Variants in USP42 observed in about 807,000 individuals in gnomAD.
USP42 encodes ubiquitin specific peptidase 42, also known as ubiquitin carboxyl-terminal hydrolase 42.
A neutral mutation model predicts 113.0 loss-of-function variants in USP42; 23 were observed. The ratio of observed to expected loss-of-function variants is 0.20; its 90% CI spans 0.15 to 0.29. The LOEUF (loss-of-function observed/expected upper bound fraction) is 0.29. Among genes scored for constraint, USP42 ranks in the 10% least tolerant of loss-of-function variants. The probability of loss-of-function intolerance (pLI) is 1.00; values close to 1 mark genes in which losing one functional copy is unlikely to be tolerated. For synonymous variants in USP42, 933 were observed against 699.0 expected (o/e 1.33, Z -5.28); for missense variants, 2,174 against 1,779.8 (o/e 1.22, Z -3.99).
chr7:6,122,454 T>A (rs1780279838), intron 3 of USP42, among the ~76,000 whole-genome samples: 1 of 151,982 alleles, frequency 6.6e-6, no homozygotes, highest in Non-Finnish European at 1.5e-5. Flanking sequence ...CCTTTTGTTT[T>A]GTTTTGTTTT....
chr7:6,115,501 A>G lies in USP42; in HGVS notation c.420A>G (p.Leu140=), dbSNP rs772710033. 1.2e-6 allele frequency: 2 copies of G among 1,614,072 alleles called. No individual in the cohort carries two copies. Among genetic ancestry groups the G allele is most frequent in the South Asian group, 1.1e-5 (1 of 91,086 alleles). The change falls in exon 3 of 18, where the codon CTA becomes CTG. Residue 140 remains leucine, a synonymous_variant. Transcript: ENST00000306177. ...TYTPPLANYM[L]SHEHSKTCHA... Reference sequence around the variant, plus strand: ...CACCACCTCTTGCCAATTACATGCTATCACATGAACACTCCAAAACATGTA... The same window carrying G: ...CACCACCTCTTGCCAATTACATGCTGTCACATGAACACTCCAAAACATGTA...
At chr7:6,092,574 C>T in the USP42 span, among the ~76,000 whole-genome samples, 13 of 151,488 alleles carry the variant, frequency 8.6e-5, no homozygotes, top group East Asian at 2.1e-3. Flanking sequence ...TTACCTTCCT[C>T]ATTTGAGGCA....
At chr7:6,140,074 C>T (rs73335428) in intron 5 of USP42, 54 bp from the exon 6 acceptor site, 1 of 1,484,700 alleles carries the variant, frequency 6.7e-7, no homozygotes, top group Middle Eastern at 1.7e-4. Context: ...CTGGTCACAG[C>T]ATCTGGAGTT....
In USP42 at chr7:6,151,152, C is replaced by A. The variant is rs752694162; in HGVS notation, c.2201+646C>A. Among the ~76,000 whole-genome samples the A allele has an allele frequency of 6.9e-4, 105 of 152,320 alleles. 1 individual carries two copies. The highest frequency in any genetic ancestry group is 1.1e-3 in the Admixed American group (17 of 15,302). On this transcript the variant is annotated intron_variant, in intron 14 of 17. Coordinates refer to ENST00000306177, the MANE Select transcript of USP42 (RefSeq NM_032172.3). ...CTGGCACACCTGCACAGGGCACTTA[C>A]CATGAATGGAGCTGGCAGGACTGGA...
At chr7:6,090,192 C>A in the USP42 span, among the ~76,000 whole-genome samples, 3 of 146,642 alleles carry the variant, frequency 2.0e-5, no homozygotes, top group Non-Finnish European at 4.5e-5. Flanking sequence ...CCCAGCTACT[C>A]GGGAGGCTGA....
In USP42 at chr7:6,154,596, G is replaced by T. The variant is rs1445830719; in HGVS notation, c.3042G>T (p.Leu1014=). 1 of 1,580,728 alleles carries T rather than the reference G, an allele frequency of 6.3e-7. No homozygotes were observed. The highest frequency in any genetic ancestry group is 1.2e-5 in the South Asian group (1 of 86,276). The change falls in exon 15 of 18, where the codon CTG becomes CTT. Residue 1014 remains leucine (L), a synonymous_variant. Coordinates refer to ENST00000306177, the MANE Select transcript of USP42 (RefSeq NM_032172.3). Reference sequence around the variant, plus strand: ...TCAGCCCTGGCGAGCGCCGCTCTCTGGGCAGGTGCAGTCACCACCACTCCC... The same window carrying T: ...TCAGCCCTGGCGAGCGCCGCTCTCTTGGCAGGTGCAGTCACCACCACTCCC... ...DRLSPGERRS[L]GRCSHHHSRH...
intron 3 of USP42, among the ~76,000 whole-genome samples, chr7:6,120,046 A>T (rs565588354): frequency 6.6e-6 from 1 of 151,904 alleles, no homozygotes; most frequent in African/African-American, 2.4e-5. Context: ...GCTCACTGCA[A>T]CCTACGCCCC....
the USP42 span, chr7:6,085,066 G>A: frequency 6.6e-6 from 1 of 150,976 alleles, no homozygotes; most frequent in South Asian, 2.1e-4. Flanking sequence ...TCCCTGGCAT[G>A]AACGACTGTG....
At chr7:6,092,076 C>CTTCTTCTTTCTTCTTCTTCTTTCT in the USP42 span, among the ~76,000 whole-genome samples, 19 of 23,836 alleles carry the variant, frequency 8.0e-4, no homozygotes, top group Non-Finnish European at 1.2e-3. Flanking sequence ...CTTCTTCTTC[C>CTTCTTCTTTCTTCTTCTTCTTTCT]TCTTCCTCTT....
At chr7:6,138,182 A>G (rs186710034) in intron 4 of USP42, among the ~76,000 whole-genome samples, 29 of 152,286 alleles carry the variant, frequency 1.9e-4, no homozygotes, top group Non-Finnish European at 3.5e-4. Context: ...ATTTTTATAC[A>G]TTCATACACA....
At chr7:6,124,863 GTA>G (rs1780440606) in intron 3 of USP42, among the ~76,000 whole-genome samples, 1 of 151,366 alleles carries the variant, frequency 6.6e-6, no homozygotes, top group Non-Finnish European at 1.5e-5. Flanking sequence ...TATCTTTAAC[GTA>G]TCAGTTTACC....
At chr7:6,091,583 T>C in the USP42 span, among the ~76,000 whole-genome samples, 9 of 150,414 alleles carry the variant, frequency 6.0e-5, no homozygotes. Context: ...TTTCTATTGA[T>C]TATATTGATT....
At chr7:6,099,359 C>A in the USP42 span, among the ~76,000 whole-genome samples, 1 of 148,522 alleles carries the variant, frequency 6.7e-6, no homozygotes, top group Non-Finnish European at 1.5e-5. Context: ...GGACTACAGG[C>A]ACCCGCCACC....
intron 3 of USP42, chr7:6,116,664 A>G (rs187298242): frequency 2.2e-6 from 1 of 448,174 alleles, no homozygotes; most frequent in East Asian, 6.6e-5. Flanking sequence ...TAATGCTTGT[A>G]AAGAATTTGG....
chr7:6,136,021 T>TTTC (rs1554342923), intron 4 of USP42, 70 bp downstream of exon 4: 105 of 858,774 alleles, frequency 1.2e-4, no homozygotes, highest in Middle Eastern at 3.3e-4. Flanking sequence ...TTTTTTTTTT[T>TTTC]CGAGACAGAG....
intron 6 of USP42, among the ~76,000 whole-genome samples, chr7:6,140,432 C>T (rs1045489639): frequency 2.0e-5 from 3 of 152,190 alleles, no homozygotes; most frequent in Non-Finnish European, 2.9e-5. Flanking sequence ...TTTGTCTCTT[C>T]GTATTAGCAG....
chr7:6,087,172 C>G, the USP42 span, among the ~76,000 whole-genome samples: 1 of 149,838 alleles, frequency 6.7e-6, no homozygotes, highest in Non-Finnish European at 1.5e-5. Flanking sequence ...GCTGGGATAA[C>G]AGGGGTGTGC....
chr7:6,146,408 C>T (rs888057758), intron 11 of USP42, among the ~76,000 whole-genome samples, 160 bp downstream of exon 11: 3 of 151,750 alleles, frequency 2.0e-5, no homozygotes, highest in African/African-American at 7.3e-5. Flanking sequence ...GCCTATAATC[C>T]TAGCACTTTG....
At chr7:6,137,493 G>C (rs1407514779) in intron 4 of USP42, among the ~76,000 whole-genome samples, 1 of 152,224 alleles carries the variant, frequency 6.6e-6, no homozygotes, top group African/African-American at 2.4e-5. Context: ...CAAGTAGCTG[G>C]GATTACAGAC....
Sources: gnomAD v4.1 joint callset for allele counts (sites outside exome capture counted in the v4.1 genomes callset) on GRCh38, gnomAD v4.1.1 for gene constraint, MANE v1.5 for transcripts, NCBI Gene and HGNC (gene_info 2026-07-23, HGNC 2026-07-21) for gene names.